Variants in MARCHF6 observed in about 807,000 individuals in gnomAD.
MARCHF6 encodes E3 ubiquitin-protein ligase MARCHF6.
In MARCHF6, 31 loss-of-function variants were observed where a neutral mutation model predicts 133.7. That is an observed-to-expected ratio of 0.23 (90% CI 0.17 to 0.31). MARCHF6 has a LOEUF of 0.31. Ranked by LOEUF, MARCHF6 falls within the 10% of genes least tolerant of loss-of-function variation. MARCHF6 has a pLI of 1.00. For missense variants in MARCHF6, 723 were observed against 1,121.6 expected (o/e 0.64, Z 5.08); for synonymous variants, 395 against 402.5 (o/e 0.98, Z 0.22).
At chr5:10,428,120 C>T (rs2126356858) in intron 24 of MARCHF6, among the ~76,000 whole-genome samples, 1 of 152,038 alleles carries the variant, frequency 6.6e-6, no homozygotes, top group Middle Eastern at 3.4e-3. Flanking sequence ...AGCAATGTAT[C>T]CCTCAGTCTG....
chr5:10,426,647 A>G, intron 24 of MARCHF6, 125 bp downstream of exon 24: 2 of 1,065,612 alleles, frequency 1.9e-6, no homozygotes, highest in Non-Finnish European at 2.7e-6. Context: ...TCCAGCTAAG[A>G]CAATGATTTC....
At chr5:10,415,838 TC>T (rs1739473190) in intron 21 of MARCHF6, among the ~76,000 whole-genome samples, 169 bp downstream of exon 21, 2 of 152,204 alleles carry the variant, frequency 1.3e-5, no homozygotes, top group Non-Finnish European at 2.9e-5. Context: ...GCTTTCTGGT[TC>T]ATTCTTGTTC....
At chr5:10,360,198 A>G (rs144063126) in intron 1 of MARCHF6, among the ~76,000 whole-genome samples, 59 of 116,098 alleles carry the variant, frequency 5.1e-4, no homozygotes, top group African/African-American at 1.9e-3. Context: ...TGCCCAGGCT[A>G]GAGTACAGTG....
At chr5:10,388,496 G>A (rs916317394) in intron 5 of MARCHF6, among the ~76,000 whole-genome samples, 14 of 152,166 alleles carry the variant, frequency 9.2e-5, no homozygotes, top group African/African-American at 3.4e-4. Context: ...CCAAACCTTA[G>A]TGGCTTAAAA....
chr5:10,355,192 A>G (rs765721027), intron 1 of MARCHF6, among the ~76,000 whole-genome samples: 4 of 152,206 alleles, frequency 2.6e-5, no homozygotes, highest in Non-Finnish European at 4.4e-5. Flanking sequence ...TGTGTTTATT[A>G]TATACACTGA....
At chr5:10,423,246 C>T (rs895901680) in intron 22 of MARCHF6, among the ~76,000 whole-genome samples, 7 of 151,876 alleles carry the variant, frequency 4.6e-5, no homozygotes, top group African/African-American at 1.7e-4. Context: ...GCCAAGAGTC[C>T]GTTGCACCAT....
chr5:10,364,347 T>G (rs1736000172), intron 1 of MARCHF6, among the ~76,000 whole-genome samples: 1 of 152,136 alleles, frequency 6.6e-6, no homozygotes, highest in East Asian at 1.9e-4. Context: ...GGGATATCAC[T>G]GTGTGTACCT....
chr5:10,433,774 CGTT>C lies in MARCHF6; in HGVS notation c.*94_*96del, dbSNP rs1740479983. ...GAGATTTTTCCCAGTGATCTCTCAGCGTTGTTTTTAAGTTAAATGTATTTGACT... is the reference window on the plus strand; with the variant it reads ...GAGATTTTTCCCAGTGATCTCTCAGCGTTTTTAAGTTAAATGTATTTGACT... On this transcript the variant is annotated 3_prime_UTR_variant, in exon 26 of 26. Transcript: ENST00000274140. 1 of 1,083,844 alleles carries C rather than the reference CGTT, an allele frequency of 9.2e-7. No homozygotes were observed. Among genetic ancestry groups the C allele is most frequent in the Non-Finnish European group, 1.4e-6 (1 of 708,874 alleles). 67.1% of individuals were successfully genotyped at this position (1,083,844 alleles called of 1,614,324 possible). A position where few individuals can be genotyped will look rare whatever the true frequency, so the allele number is the denominator to read the frequency against.
In MARCHF6 at chr5:10,381,711, G is replaced by A. The variant is rs1737157604; in HGVS notation, c.191-89G>A. 4.0e-6 allele frequency: 4 copies of A among 1,001,156 alleles called. No individual in the cohort carries two copies. The Admixed American group carries it at 1.2e-4, about 29-fold the overall frequency. The allele number at this position is 1,001,156 out of a possible 1,614,324, so 62.0% of individuals were successfully genotyped here. A position where few individuals can be genotyped will look rare whatever the true frequency, so the allele number is the denominator to read the frequency against. On this transcript the variant is annotated intron_variant, in intron 3 of 25. Transcript: ENST00000274140. ...AAAAATTAAGCACAAGGCAAATATT[G>A]GAAGTTTAGTTAATGTCTATTTTAT...
rs561325834 is a variant in MARCHF6 at position 10,433,366 on chromosome 5, C to T, written c.2643-228C>T. Among the ~76,000 whole-genome samples, 36 of 152,328 alleles carry T rather than the reference C, an allele frequency of 2.4e-4. No individual in the cohort carries two copies. In the East Asian group the frequency reaches 6.6e-3, roughly 28 times the overall value. On this transcript the variant is annotated intron_variant, in intron 25 of 25. Coordinates refer to ENST00000274140, the MANE Select transcript of MARCHF6 (RefSeq NM_005885.4). ...CCCTAAACCACTGACTGAAGCATGTCCTCCATTGCACAGCATTGGAGGCCT... is the reference window on the plus strand; with the variant it reads ...CCCTAAACCACTGACTGAAGCATGTTCTCCATTGCACAGCATTGGAGGCCT...
At chr5:10,387,248 T>C (rs187073049) in intron 5 of MARCHF6, among the ~76,000 whole-genome samples, 182 bp downstream of exon 5, 78 of 152,332 alleles carry the variant, frequency 5.1e-4, no homozygotes, top group Admixed American at 3.4e-3. Flanking sequence ...ACACTTCTTT[T>C]AAAACATACC....
intron 5 of MARCHF6, 78 bp downstream of exon 5, chr5:10,387,144 A>G (rs1009069782): frequency 1.6e-5 from 17 of 1,058,914 alleles, no homozygotes; most frequent in Non-Finnish European, 1.8e-5. Flanking sequence ...TTATTTTATT[A>G]TAATTTGTAA....
chr5:10,419,541 T>C (rs1020169110), intron 22 of MARCHF6, among the ~76,000 whole-genome samples: 1 of 152,134 alleles, frequency 6.6e-6, no homozygotes, highest in Non-Finnish European at 1.5e-5. Context: ...ATTAAGCATA[T>C]GTTATGCCTT....
At chr5:10,357,206 G>GA (rs1735524142) in intron 1 of MARCHF6, among the ~76,000 whole-genome samples, 1 of 100,136 alleles carries the variant, frequency 1.0e-5, no homozygotes, top group African/African-American at 3.9e-5. Flanking sequence ...CTTTGGTCAA[G>GA]GATATACTTT....
intron 1 of MARCHF6, among the ~76,000 whole-genome samples, chr5:10,370,864 A>G (rs371865966): frequency 6.6e-6 from 1 of 152,198 alleles, no homozygotes; most frequent in East Asian, 1.9e-4. Flanking sequence ...TCAGTAATGT[A>G]TGTTTTACTC....
At chr5:10,389,226 A>G (rs964875459) in intron 5 of MARCHF6, among the ~76,000 whole-genome samples, 2 of 152,194 alleles carry the variant, frequency 1.3e-5, no homozygotes, top group Non-Finnish European at 1.5e-5. Flanking sequence ...AGGGAAGGAA[A>G]GATAAGCCTC....
intron 1 of MARCHF6, among the ~76,000 whole-genome samples, chr5:10,375,168 C>T (rs1246498435): frequency 2.0e-5 from 3 of 152,196 alleles, no homozygotes; most frequent in East Asian, 1.9e-4. Flanking sequence ...GGGAGAGGCG[C>T]GAGCGGGAAC....
chr5:10,364,689 G>C (rs961675313), intron 1 of MARCHF6, among the ~76,000 whole-genome samples: 6 of 152,218 alleles, frequency 3.9e-5, no homozygotes, highest in Non-Finnish European at 8.8e-5. Flanking sequence ...CTGTTGGGCA[G>C]AATCTCCACC....
chr5:10,353,706 TC>T lies in MARCHF6; in HGVS notation c.-188del. 1 of 67,892 alleles carries T rather than the reference TC, an allele frequency of 1.5e-5. No individual in the cohort carries two copies. The highest frequency in any genetic ancestry group is 3.0e-5 in the Non-Finnish European group (1 of 33,796). The allele number at this position is 67,892 out of a possible 1,614,324, so 4.2% of individuals were successfully genotyped here. A position where few individuals can be genotyped will look rare whatever the true frequency, so the allele number is the denominator to read the frequency against. On this transcript the variant is annotated 5_prime_UTR_variant, in exon 1 of 26. Coordinates refer to ENST00000274140, the MANE Select transcript of MARCHF6 (RefSeq NM_005885.4). Reference sequence around the variant, plus strand: ...CCTCGCCCCTAGGTGTTCCCGCCCCTCCCCCTCCCGTGTCGCTCGCTTTCTG... The same window carrying T: ...CCTCGCCCCTAGGTGTTCCCGCCCCTCCCCTCCCGTGTCGCTCGCTTTCTG...
Sources: gnomAD v4.1 joint callset for allele counts (sites outside exome capture counted in the v4.1 genomes callset) on GRCh38, gnomAD v4.1.1 for gene constraint, MANE v1.5 for transcripts, NCBI Gene and HGNC (gene_info 2026-07-23, HGNC 2026-07-21) for gene names.